WDFY4: variants seen among roughly 807,000 people sequenced by gnomAD.
The protein encoded by WDFY4 is WD repeat- and FYVE domain-containing protein 4.
WDFY4 carries 169 observed loss-of-function variants against 351.9 expected under a neutral mutation model. The observed-to-expected ratio is 0.48, with a 90% CI of 0.42 to 0.55. The LOEUF (loss-of-function observed/expected upper bound fraction) is 0.55, where lower values mean the gene tolerates loss of function less well. Among genes scored for constraint, WDFY4 ranks in the 20% least tolerant of loss-of-function variants. WDFY4 has a pLI of 0.00. For synonymous variants in WDFY4, 1,622 were observed against 1,574.6 expected, an observed-to-expected ratio of 1.03 and a Z score of -0.71; for missense variants, 3,803 against 3,935.6, an observed-to-expected ratio of 0.97 and a Z score of 0.90.
chr10:48,931,477 C>T (rs1238209351), intron 47 of WDFY4, among the ~76,000 whole-genome samples: 2 of 152,214 alleles, frequency 1.3e-5, no homozygotes, highest in Non-Finnish European at 2.9e-5. Context: ...CTATAAACAA[C>T]ACGTGGCCTG....
intron 43 of WDFY4, among the ~76,000 whole-genome samples, chr10:48,885,821 A>C (rs1378113791): frequency 6.6e-6 from 1 of 152,140 alleles, no homozygotes. Context: ...TTTGATTATT[A>C]GTATGACGAA....
chr10:48,932,668 G>C, intron 47 of WDFY4: 1 of 150,940 alleles, frequency 6.6e-6, no homozygotes, highest in East Asian at 1.9e-4. Context: ...GAGGGAGAGA[G>C]AGAGAAAAAA....
Position 48,725,995 on chromosome 10 carries a change from T to C in WDFY4, c.706T>C (p.Trp236Arg). Residue 236 changes from tryptophan to arginine, a missense_variant, in exon 6 of 62, where the codon TGG (tryptophan) becomes CGG (arginine). By Grantham distance (101) the Trp-to-Arg change is moderately radical. Around this residue, in one of 3 missense-constraint regions of WDFY4, gnomAD observed 488 missense variants for 456.8 expected, o/e 1.07. Transcript: ENST00000325239. ...CCTTCGGGAGCACAGCTGCTGCTTCTGGAAGGAACCCACCTTCTGCGTGCT... is the reference window on the plus strand; with the variant it reads ...CCTTCGGGAGCACAGCTGCTGCTTCCGGAAGGAACCCACCTTCTGCGTGCT... ...TCLREHSCCF[W>R]KEPTFCVLRA... is the part of the protein sequence containing the mutation. 6.4e-7 allele frequency: 1 copy of C among 1,551,758 alleles called. No individual in the cohort carries two copies.
At chr10:48,779,882 T>C (rs2066161074) in intron 18 of WDFY4, 59 bp from the exon 19 acceptor site, 1 of 1,538,956 alleles carries the variant, frequency 6.5e-7, no homozygotes, top group African/African-American at 1.4e-5. Flanking sequence ...CTCCCCATTC[T>C]CCTGGGTTCC....
intron 14 of WDFY4, among the ~76,000 whole-genome samples, chr10:48,775,201 C>T (rs896164651): frequency 3.3e-5 from 5 of 152,144 alleles, no homozygotes; most frequent in African/African-American, 1.2e-4. Flanking sequence ...AAGCAGGGAG[C>T]AGACGTGGAA....
chr10:48,887,718 G>T (rs1002215406), intron 43 of WDFY4, among the ~76,000 whole-genome samples: 2 of 151,378 alleles, frequency 1.3e-5, no homozygotes, highest in African/African-American at 4.9e-5. Flanking sequence ...GGCGGAGCTT[G>T]CAGTGAGTGG....
chr10:48,763,693 T>C (rs2065582926), intron 13 of WDFY4, among the ~76,000 whole-genome samples: 1 of 152,244 alleles, frequency 6.6e-6, no homozygotes, highest in South Asian at 2.1e-4. Flanking sequence ...ATAATTCCAT[T>C]TGGAGCGAGT....
rs61848120 is a variant in WDFY4, at chr10:48,965,855, T to C, written c.8437-671T>C. Among the ~76,000 whole-genome samples the C allele has an allele frequency of 1.0e-2, 43 of 4,306 alleles. 1 individual carries two copies. In the South Asian group the frequency reaches 0.27, roughly 27 times the overall value. 2.8% of individuals were successfully genotyped at this position (4,306 alleles called of 152,430 possible). On this transcript the variant is annotated intron_variant, in intron 54 of 61. Transcript: ENST00000325239. Reference sequence around the variant, plus strand: ...CAGTTAGATATAGATTATATCTATATCAGTTAGATAAAGATTATATCTATA... The same window carrying C: ...CAGTTAGATATAGATTATATCTATACCAGTTAGATAAAGATTATATCTATA...
chr10:48,927,078 C>T (rs886919973), intron 47 of WDFY4, among the ~76,000 whole-genome samples: 3 of 152,098 alleles, frequency 2.0e-5, no homozygotes, highest in African/African-American at 7.2e-5. Context: ...CTGTAGTGCC[C>T]CTGTATCAGG....
chr10:48,863,000 G>T (rs1316483416), intron 39 of WDFY4, among the ~76,000 whole-genome samples: 2 of 151,998 alleles, frequency 1.3e-5, no homozygotes, highest in African/African-American at 2.4e-5. Context: ...TGCTTTTAAG[G>T]CTCATGCATG....
chr10:48,876,563 G>A (rs2070018815), intron 42 of WDFY4, among the ~76,000 whole-genome samples: 1 of 151,958 alleles, frequency 6.6e-6, no homozygotes, highest in Admixed American at 6.6e-5. Flanking sequence ...GTGCATGGGT[G>A]AGATTTGTTT....
At chr10:48,706,243 A>C (rs1454958814) in intron 1 of WDFY4, among the ~76,000 whole-genome samples, 2 of 152,102 alleles carry the variant, frequency 1.3e-5, no homozygotes, top group African/African-American at 2.4e-5. Context: ...TTGAGAATCT[A>C]CTCTGTGCCA....
chr10:48,723,551 A>C lies in WDFY4; in HGVS notation c.575A>C (p.Gln192Pro), dbSNP rs1269996136. 1.3e-6 allele frequency: 2 copies of C among 1,551,816 alleles called. No individual in the cohort carries two copies. Among genetic ancestry groups the C allele is most frequent in the Non-Finnish European group, 1.7e-6 (2 of 1,147,058 alleles). Residue 192 changes from glutamine to proline, a missense_variant, in exon 5 of 62, where the codon CAA becomes CCA. By Grantham distance (76) the Gln-to-Pro change is moderately conservative (BLOSUM62 -1). Around this residue, in one of 3 missense-constraint regions of WDFY4, gnomAD observed 488 missense variants for 456.8 expected, o/e 1.07. Coordinates refer to ENST00000325239, the MANE Select transcript of WDFY4 (RefSeq NM_001394531.1). ...CTTCTTGAGAGTGATCTTCAAGTTCAAAAGATGTTCGTGCAGGTGAGTTCA... is the reference window on the plus strand; with the variant it reads ...CTTCTTGAGAGTGATCTTCAAGTTCCAAAGATGTTCGTGCAGGTGAGTTCA... ...DELLESDLQV[Q>P]KMFVQMLLNI...
intron 39 of WDFY4, among the ~76,000 whole-genome samples, chr10:48,862,925 A>G (rs905079336): frequency 1.3e-5 from 2 of 152,214 alleles, no homozygotes; most frequent in Non-Finnish European, 2.9e-5. Context: ...CTCTATAAAC[A>G]TTTCATATAA....
chr10:48,823,504 A>T, intron 35 of WDFY4: 4 of 1,148,634 alleles, frequency 3.5e-6, no homozygotes, highest in Non-Finnish European at 4.3e-6. Context: ...GCCTCTTCAC[A>T]GTTTCTAGAG....
intron 24 of WDFY4, among the ~76,000 whole-genome samples, chr10:48,799,968 C>T (rs1446697971): frequency 6.6e-6 from 1 of 152,114 alleles, no homozygotes; most frequent in Non-Finnish European, 1.5e-5. Context: ...TCACAGCAAC[C>T]TCTGTCTCAT....
Position 48,731,423 on chromosome 10 carries a change from C to G in WDFY4, c.1443C>G (p.Ser481=), listed in dbSNP as rs773533795. The G allele has an allele frequency of 6.4e-7, 1 of 1,551,628 alleles. No individual in the cohort carries two copies. Among genetic ancestry groups the G allele is most frequent in the Non-Finnish European group, 8.7e-7 (1 of 1,147,020 alleles). ...TGATCAAGGAGAGCCCTGGGCCATC[C>G]TGCACCCTCATGGCCCTGCAGAGCA... ...QHLIKESPGP[S]CTLMALQSIL... is the part of the protein sequence containing the mutation. The change falls in exon 9 of 62, where the codon TCC becomes TCG. Residue 481 remains serine, a synonymous_variant. Coordinates refer to ENST00000325239, the MANE Select transcript of WDFY4 (RefSeq NM_001394531.1).
chr10:48,946,835 C>G, intron 50 of WDFY4, 25 bp from the exon 51 acceptor site: 5 of 1,522,556 alleles, frequency 3.3e-6, no homozygotes, highest in Non-Finnish European at 4.5e-6. Flanking sequence ...AGGAAGCAGC[C>G]CTCAAGCATG....
At chr10:48,887,114 C>T (rs952834662) in intron 43 of WDFY4, among the ~76,000 whole-genome samples, 4 of 152,226 alleles carry the variant, frequency 2.6e-5, no homozygotes, top group Non-Finnish European at 4.4e-5. Flanking sequence ...TTGGCTTATT[C>T]TGGTTGATAC....
Sources: allele counts gnomAD v4.1 joint callset (sites outside exome capture counted in the v4.1 genomes callset), GRCh38; gene constraint gnomAD v4.1.1; regional missense constraint gnomAD v4.1.1; transcripts MANE v1.5; gene names NCBI Gene and HGNC (gene_info 2026-07-23, HGNC 2026-07-21).